The following EFHD1 variants were observed in gnomAD, a reference collection of about 807,000 sequenced individuals.
EFHD1 encodes EF-hand domain family member D1.
EFHD1 carries 10 observed loss-of-function variants against 17.2 expected under a neutral mutation model. The ratio of observed to expected loss-of-function variants is 0.58; its 90% CI spans 0.36 to 0.99. EFHD1 has a LOEUF of 0.99. Ranked by LOEUF, EFHD1 falls within the 50% of genes least tolerant of loss-of-function variation. The pLI, the probability that EFHD1 is intolerant of heterozygous loss-of-function variation, is 0.01. For missense variants in EFHD1, 310 were observed against 327.5 expected (o/e 0.95, Z 0.41); for synonymous variants, 153 against 142.0 (o/e 1.08, Z -0.55).
intron 1 of EFHD1, among the ~76,000 whole-genome samples, chr2:232,625,585 C>G (rs1272446730): frequency 6.6e-6 from 1 of 152,122 alleles, no homozygotes; most frequent in African/African-American, 2.4e-5. Context: ...TGAATGTCCA[C>G]CAACAGGGAC....
chr2:232,668,278 C>T (rs1342105246), intron 2 of EFHD1, among the ~76,000 whole-genome samples: 2 of 152,234 alleles, frequency 1.3e-5, no homozygotes, highest in African/African-American at 4.8e-5. Context: ...GAAGTCTGGG[C>T]GCTTTCAGCT....
intron 1 of EFHD1, among the ~76,000 whole-genome samples, chr2:232,607,432 T>TAA (rs747178365): frequency 1.4e-4 from 12 of 88,594 alleles, no homozygotes; most frequent in Non-Finnish European, 1.8e-4. Flanking sequence ...TCCTAAAAAT[T>TAA]AAAAAAAAAA....
chr2:232,624,740 G>T (rs948951909), intron 1 of EFHD1, among the ~76,000 whole-genome samples: 1 of 152,210 alleles, frequency 6.6e-6, no homozygotes, highest in African/African-American at 2.4e-5. Flanking sequence ...AAGTCATTGA[G>T]GGCTATCTAG....
At chr2:232,622,887 T>C (rs1694045329) in intron 1 of EFHD1, among the ~76,000 whole-genome samples, 1 of 152,118 alleles carries the variant, frequency 6.6e-6, no homozygotes, top group Non-Finnish European at 1.5e-5. Context: ...ATGTAAAATA[T>C]CTCATTAATA....
chr2:232,673,907 C>CTTTTTTTT (rs11409819), intron 3 of EFHD1, among the ~76,000 whole-genome samples: 2 of 119,976 alleles, frequency 1.7e-5, no homozygotes, highest in Non-Finnish European at 1.7e-5. Context: ...AAGACTTCTT[C>CTTTTTTTT]TTTTTTTTTT....
At chr2:232,629,627 C>T (rs923475688), upstream of EFHD1, among the ~76,000 whole-genome samples, 16 of 152,170 alleles carry the variant, frequency 1.1e-4, no homozygotes, top group African/African-American at 3.9e-4. Context: ...TGTCACCACG[C>T]CCGGCTAACG....
chr2:232,627,036 C>CTCTATA (rs1242284297), intron 1 of EFHD1, among the ~76,000 whole-genome samples: 46 of 112,664 alleles, frequency 4.1e-4, no homozygotes, highest in Non-Finnish European at 5.9e-4. Context: ...CTCTCTCTCT[C>CTCTATA]TATATATATA....
chr2:232,610,983 C>T (rs1693807031), intron 1 of EFHD1: 1 of 152,310 alleles, frequency 6.6e-6, no homozygotes, highest in African/African-American at 2.4e-5. Context: ...TCGAGATCAG[C>T]CTGGGAAACA....
intron 1 of EFHD1, among the ~76,000 whole-genome samples, chr2:232,657,489 T>C (rs192785849): frequency 1.5e-3 from 230 of 152,246 alleles, no homozygotes; most frequent in Admixed American, 3.1e-3. Context: ...TTTCTACCTT[T>C]TGGTGACTGT....
intron 1 of EFHD1, among the ~76,000 whole-genome samples, chr2:232,624,120 A>G (rs1339675307): frequency 2.0e-5 from 3 of 152,134 alleles, no homozygotes; most frequent in African/African-American, 7.2e-5. Context: ...TTTAGGACTC[A>G]TAGGTTTTTT....
chr2:232,668,697 G>A (rs1212214362), intron 2 of EFHD1, among the ~76,000 whole-genome samples: 3 of 152,008 alleles, frequency 2.0e-5, no homozygotes, highest in Non-Finnish European at 4.4e-5. Flanking sequence ...GCAATGGCGC[G>A]ATCTCGGCTC....
chr2:232,658,502 A>G (rs1398120898), intron 1 of EFHD1, among the ~76,000 whole-genome samples: 1 of 152,266 alleles, frequency 6.6e-6, no homozygotes, highest in African/African-American at 2.4e-5. Flanking sequence ...CATGTGACCC[A>G]GCATCCAATC....
intron 2 of EFHD1, among the ~76,000 whole-genome samples, chr2:232,670,132 G>T (rs1420782874): frequency 6.6e-6 from 1 of 152,160 alleles, no homozygotes; most frequent in Non-Finnish European, 1.5e-5. Context: ...CTTGGGAGAG[G>T]ACAGGAAGAT....
At chr2:232,658,122 C>T (rs12996576) in intron 1 of EFHD1, among the ~76,000 whole-genome samples, 2 of 151,722 alleles carry the variant, frequency 1.3e-5, no homozygotes, top group African/African-American at 2.4e-5. Flanking sequence ...AGGCTGGTCT[C>T]GAACTCCTGA....
chr2:232,616,820 TA>T (rs34660395), intron 1 of EFHD1, among the ~76,000 whole-genome samples: 40,211 of 152,170 alleles, frequency 0.26, 6,808 homozygotes, highest in Middle Eastern at 0.43. Flanking sequence ...AAGATGATGG[TA>T]AATTTTAGCT....
intron 1 of EFHD1, among the ~76,000 whole-genome samples, chr2:232,621,205 A>G (rs560337895): frequency 2.6e-5 from 4 of 152,206 alleles, no homozygotes; most frequent in African/African-American, 7.2e-5. Context: ...GATGTGGGTG[A>G]AGGCTGTAAG....
At chr2:232,660,852 C>T (rs1694852859) in intron 1 of EFHD1, among the ~76,000 whole-genome samples, 2 of 152,062 alleles carry the variant, frequency 1.3e-5, no homozygotes, top group African/African-American at 4.8e-5. Context: ...GTGGCACACA[C>T]TTGTAATCCC....
intron 1 of EFHD1, among the ~76,000 whole-genome samples, chr2:232,639,473 T>C (rs2106196825): frequency 6.6e-6 from 1 of 152,288 alleles, no homozygotes; most frequent in East Asian, 1.9e-4. Context: ...AGGCATGGGC[T>C]ACTTCGCCTG....
intron 1 of EFHD1, among the ~76,000 whole-genome samples, chr2:232,641,458 C>T (rs1194307253): frequency 1.3e-5 from 2 of 152,088 alleles, no homozygotes; most frequent in Non-Finnish European, 2.9e-5. Flanking sequence ...TAGGAAGGGC[C>T]GAAAGCTTAT....
Sources: allele counts gnomAD v4.1 joint callset (sites outside exome capture counted in the v4.1 genomes callset), GRCh38; gene constraint gnomAD v4.1.1; transcripts MANE v1.5; gene names NCBI Gene and HGNC (gene_info 2026-07-23, HGNC 2026-07-21).